Variants in ESRRG observed in about 807,000 individuals in gnomAD.
The protein encoded by ESRRG is estrogen-related receptor gamma.
A neutral mutation model predicts 44.0 loss-of-function variants in ESRRG; 13 were observed. The ratio of observed to expected loss-of-function variants is 0.30; its 90% CI spans 0.19 to 0.47. ESRRG has a LOEUF of 0.47. ESRRG is among the 20% of genes least tolerant of loss of function. The pLI is 1.00. For missense variants in ESRRG, 395 were observed against 580.6 expected (o/e 0.68, Z 3.29); for synonymous variants, 215 against 214.6 (o/e 1.00, Z -0.02).
At chr1:217,053,133 TAAAA>T (rs71303007) in intron 1 of ESRRG, among the ~76,000 whole-genome samples, 2,276 of 119,014 alleles carry the variant, frequency 0.019, 52 homozygotes, top group South Asian at 0.026. Context: ...AATCCCATCT[TAAAA>T]AAAAAAAAAA....
chr1:217,134,843 G>C (rs377392523), intron 1 of ESRRG, among the ~76,000 whole-genome samples: 1 of 152,246 alleles, frequency 6.6e-6, no homozygotes, highest in Non-Finnish European at 1.5e-5. Flanking sequence ...AAGAGGACAA[G>C]GTCAAGGCCT....
chr1:216,551,676 T>C (rs2056376769), intron 5 of ESRRG, among the ~76,000 whole-genome samples: 1 of 152,148 alleles, frequency 6.6e-6, no homozygotes, highest in Non-Finnish European at 1.5e-5. Context: ...CCAAATGTTA[T>C]GTACTGATCT....
At chr1:216,550,866 A>G (rs569221521) in intron 5 of ESRRG, among the ~76,000 whole-genome samples, 4 of 152,192 alleles carry the variant, frequency 2.6e-5, no homozygotes, top group Non-Finnish European at 5.9e-5. Context: ...TTTCAGAACA[A>G]CCATGCATAT....
chr1:216,630,164 T>G (rs1039326472), intron 3 of ESRRG, among the ~76,000 whole-genome samples: 1 of 152,134 alleles, frequency 6.6e-6, no homozygotes, highest in Non-Finnish European at 1.5e-5. Flanking sequence ...CTAGGGGAAG[T>G]GCTATGAAAA....
At chr1:217,088,112 T>A (rs74873896) in intron 1 of ESRRG, among the ~76,000 whole-genome samples, 23,305 of 151,918 alleles carry the variant, frequency 0.15, 2,203 homozygotes, top group Admixed American at 0.22. Flanking sequence ...TGTCTTTTTC[T>A]CTAAGACATT....
chr1:216,517,071 C>T (rs898679485), intron 6 of ESRRG, among the ~76,000 whole-genome samples: 3 of 152,034 alleles, frequency 2.0e-5, no homozygotes, highest in East Asian at 1.9e-4. Flanking sequence ...GATTTTTCTC[C>T]GTATTGAGGG....
chr1:217,079,102 T>A (rs1449969890), intron 1 of ESRRG, among the ~76,000 whole-genome samples: 2 of 152,110 alleles, frequency 1.3e-5, no homozygotes, highest in African/African-American at 4.8e-5. Flanking sequence ...CCTTACCAAC[T>A]GTAGTAGTGA....
intron 2 of ESRRG, among the ~76,000 whole-genome samples, chr1:216,813,721 T>G (rs1240079097): frequency 6.6e-6 from 1 of 152,152 alleles, no homozygotes; most frequent in East Asian, 1.9e-4. Context: ...TGGATATGCA[T>G]GAAAGTGATC....
At chr1:216,714,863 G>A (rs991039251) in intron 1 of ESRRG, among the ~76,000 whole-genome samples, 1 of 152,020 alleles carries the variant, frequency 6.6e-6, no homozygotes, top group Non-Finnish European at 1.5e-5. Flanking sequence ...AATCATTTAC[G>A]GGTAGTACTT....
intron 2 of ESRRG, among the ~76,000 whole-genome samples, chr1:216,915,339 G>A (rs1391542493): frequency 6.6e-6 from 1 of 152,142 alleles, no homozygotes; most frequent in Non-Finnish European, 1.5e-5. Flanking sequence ...CGCATCTGTT[G>A]GTTGGCATGA....
Position 216,547,225 on chromosome 1 carries a change from T to G in ESRRG, c.862+16994A>C, listed in dbSNP as rs114536786. Among the ~76,000 whole-genome samples, 1,248 of 148,922 alleles carry G rather than the reference T, an allele frequency of 8.4e-3. 13 individuals carry two copies. The highest frequency in any genetic ancestry group is 0.026 in the African/African-American group (1,053 of 40,408). On this transcript the variant is annotated intron_variant, in intron 5 of 6. Transcript: ENST00000408911. ...GGCCTGGCACCTAGCAAGAGCTCAG[T>G]GAATGTAGCTGGATGATGTTGATGT... is the stretch of plus-strand genomic sequence containing the variant.
At chr1:216,913,214 C>CTTACTT (rs1306026190) in intron 2 of ESRRG, among the ~76,000 whole-genome samples, 2 of 150,978 alleles carry the variant, frequency 1.3e-5, no homozygotes, top group Non-Finnish European at 2.9e-5. Flanking sequence ...ACTTTTTTTC[C>CTTACTT]TTGTCATTAC....
intron 2 of ESRRG, among the ~76,000 whole-genome samples, chr1:216,793,724 T>C (rs2148138810): frequency 6.6e-6 from 1 of 152,320 alleles, no homozygotes; most frequent in Non-Finnish European, 1.5e-5. Context: ...TTGTTATGTG[T>C]CCTAATACAA....
intron 1 of ESRRG, among the ~76,000 whole-genome samples, chr1:216,989,205 G>A (rs2075307352): frequency 6.6e-6 from 1 of 151,990 alleles, no homozygotes; most frequent in Non-Finnish European, 1.5e-5. Flanking sequence ...CCAGCACTTT[G>A]GGAGGCTGAG....
At chr1:216,807,873 G>A (rs2094846999) in intron 2 of ESRRG, among the ~76,000 whole-genome samples, 1 of 152,108 alleles carries the variant, frequency 6.6e-6, no homozygotes, top group African/African-American at 2.4e-5. Flanking sequence ...TATAGTACTA[G>A]TCCCTTTCTA....
At chr1:216,903,077 T>C (rs1313746553) in intron 2 of ESRRG, among the ~76,000 whole-genome samples, 3 of 152,204 alleles carry the variant, frequency 2.0e-5, no homozygotes, top group African/African-American at 7.2e-5. Flanking sequence ...GTGTTTGTTT[T>C]CATGTTTGTG....
chr1:216,714,992 T>G, intron 1 of ESRRG: 1 of 690,672 alleles, frequency 1.4e-6, no homozygotes, highest in Middle Eastern at 7.5e-4. Flanking sequence ...TGAGCTTCTG[T>G]GCATAAATTG....
chr1:216,904,107 C>T (rs568534847), intron 2 of ESRRG, among the ~76,000 whole-genome samples: 5 of 152,130 alleles, frequency 3.3e-5, no homozygotes, highest in Non-Finnish European at 7.3e-5. Context: ...TTCAAAAATG[C>T]CCCTAGCACA....
intron 6 of ESRRG, among the ~76,000 whole-genome samples, chr1:216,513,908 T>C (rs1381969974): frequency 6.6e-6 from 1 of 152,170 alleles, no homozygotes; most frequent in Non-Finnish European, 1.5e-5. Flanking sequence ...ACATCATAGA[T>C]GATCTGCACC....
Sources: allele counts gnomAD v4.1 joint callset (sites outside exome capture counted in the v4.1 genomes callset), GRCh38; gene constraint gnomAD v4.1.1; transcripts MANE v1.5; gene names NCBI Gene and HGNC (gene_info 2026-07-23, HGNC 2026-07-21).